The following SRBD1 variants were observed in gnomAD, a reference collection of about 807,000 sequenced individuals.
SRBD1 encodes the protein S1 RNA binding domain 1, also known as S1 RNA-binding domain-containing protein 1.
Under a neutral mutation model 115.3 loss-of-function variants are expected in SRBD1, and 88 were observed. The ratio of observed to expected loss-of-function variants is 0.76; its 90% CI spans 0.64 to 0.91. SRBD1 has a LOEUF of 0.91. SRBD1 is among the 40% of genes least tolerant of loss of function. The pLI is 0.00. For synonymous variants in SRBD1, 509 were observed against 407.7 expected (o/e 1.25, Z -2.99); for missense variants, 1,385 against 1,177.4 (o/e 1.18, Z -2.58).
chr2:45,436,389 T>C (rs556373768), intron 16 of SRBD1, among the ~76,000 whole-genome samples: 47 of 152,318 alleles, frequency 3.1e-4, no homozygotes, highest in African/African-American at 1.1e-3. Context: ...CTCAACATCA[T>C]ACTGGAAGTA....
intron 14 of SRBD1, among the ~76,000 whole-genome samples, chr2:45,517,808 A>G (rs1327241436): frequency 2.6e-5 from 4 of 152,146 alleles, no homozygotes; most frequent in Admixed American, 2.0e-4. Flanking sequence ...CAGCCTGGGC[A>G]ACATAGCAAG....
At chr2:45,446,814 T>C (rs1668839637) in intron 16 of SRBD1, among the ~76,000 whole-genome samples, 1 of 152,042 alleles carries the variant, frequency 6.6e-6, no homozygotes, top group Non-Finnish European at 1.5e-5. Context: ...TCAATACCAC[T>C]GGGTGGTAGA....
intron 16 of SRBD1, among the ~76,000 whole-genome samples, chr2:45,437,039 A>C (rs1668518482): frequency 6.6e-6 from 1 of 152,214 alleles, no homozygotes; most frequent in African/African-American, 2.4e-5. Context: ...CCAAAAGCTT[A>C]AAGTATAAAT....
At chr2:45,555,835 A>ATTAGTCTGT (rs1672458367) in intron 10 of SRBD1, among the ~76,000 whole-genome samples, 1 of 152,126 alleles carries the variant, frequency 6.6e-6, no homozygotes. Context: ...GTCTTGGTGT[A>ATTAGTCTGT]TTAGTCTGTT....
In SRBD1 at chr2:45,571,517, C is replaced by CAAAAAAAAAAAAAAAAAA. The variant is rs58100763; in HGVS notation, c.1305+1672_1305+1689dup. On this transcript the variant is annotated intron_variant, in intron 9 of 20. Coordinates refer to ENST00000263736, the MANE Select transcript of SRBD1 (RefSeq NM_018079.5). ...AAAATACAACATATCCAGACTTTACCAAAAAAAAAAAAAAAAAAAAAAAAA... is the reference window on the plus strand; with the variant it reads ...AAAATACAACATATCCAGACTTTACCAAAAAAAAAAAAAAAAAAAAAAAAAAAAAAAAAAAAAAAAAAA... Among the ~76,000 whole-genome samples, 72 of 39,406 alleles carry CAAAAAAAAAAAAAAAAAA rather than the reference C, an allele frequency of 1.8e-3. 7 individuals carry two copies. The highest frequency in any genetic ancestry group is 5.6e-3 in the East Asian group (6 of 1,068). The allele number at this position is 39,406 out of a possible 152,430, so 25.9% of individuals were successfully genotyped here. A position where few individuals can be genotyped will look rare whatever the true frequency, so the allele number is the denominator to read the frequency against.
intron 11 of SRBD1, among the ~76,000 whole-genome samples, chr2:45,552,148 T>G (rs1672320966): frequency 6.6e-6 from 1 of 152,168 alleles, no homozygotes; most frequent in East Asian, 1.9e-4. Context: ...GAATAAGATA[T>G]GCAGACGTAG....
At chr2:45,554,346 T>C (rs1238272395) in intron 10 of SRBD1, among the ~76,000 whole-genome samples, 1 of 152,196 alleles carries the variant, frequency 6.6e-6, no homozygotes, top group South Asian at 2.1e-4. Flanking sequence ...AGAAAATAAA[T>C]TACTCCGGTT....
At position 45,444,968 on chromosome 2, in the gene SRBD1, G is replaced by C. The variant is rs1312750231; in HGVS notation, c.2050-25074C>G. Among the ~76,000 whole-genome samples, 5 of 152,110 alleles carry C rather than the reference G, an allele frequency of 3.3e-5. 1 individual carries two copies. Among genetic ancestry groups the C allele is most frequent in the Non-Finnish European group, 5.9e-5 (4 of 68,016 alleles). ...CCAGATGATGAACATAAAAAGTAGAGGGCAAAATAACATTGTCAAATTTGC... is the reference window on the plus strand; with the variant it reads ...CCAGATGATGAACATAAAAAGTAGACGGCAAAATAACATTGTCAAATTTGC... On this transcript the variant is annotated intron_variant, in intron 16 of 20. Coordinates refer to ENST00000263736, the MANE Select transcript of SRBD1 (RefSeq NM_018079.5).
chr2:45,593,892 T>A (rs1673804659), intron 4 of SRBD1, among the ~76,000 whole-genome samples: 5 of 152,190 alleles, frequency 3.3e-5, no homozygotes. Context: ...AAGGAGGAAT[T>A]GGAAAATAGT....
At chr2:45,546,586 T>C (rs960793074) in intron 14 of SRBD1, 146 bp downstream of exon 14, 29 of 832,366 alleles carry the variant, frequency 3.5e-5, no homozygotes, top group Non-Finnish European at 5.3e-5. Context: ...CTTTACATTA[T>C]CCTGCAAAGT....
intron 14 of SRBD1, among the ~76,000 whole-genome samples, chr2:45,540,856 C>T (rs896569373): frequency 6.6e-6 from 1 of 152,230 alleles, no homozygotes; most frequent in Non-Finnish European, 1.5e-5. Context: ...ATTTAAAAGG[C>T]TGACCATACC....
chr2:45,470,520 T>C (rs1285310637), intron 16 of SRBD1, among the ~76,000 whole-genome samples: 3 of 152,184 alleles, frequency 2.0e-5, no homozygotes, highest in Non-Finnish European at 1.5e-5. Flanking sequence ...TCTTTCCTAC[T>C]TTACTGTGTG....
intron 19 of SRBD1, among the ~76,000 whole-genome samples, chr2:45,403,394 A>G (rs1488109264): frequency 3.3e-5 from 5 of 152,040 alleles, no homozygotes; most frequent in African/African-American, 1.2e-4. Context: ...TGAAGTTATC[A>G]GTTCCTGAGT....
chr2:45,405,519 G>A (rs1472788479), intron 19 of SRBD1, among the ~76,000 whole-genome samples: 1 of 152,166 alleles, frequency 6.6e-6, no homozygotes, highest in Non-Finnish European at 1.5e-5. Flanking sequence ...GCCTGAACTA[G>A]GGATGTTAAG....
At position 45,393,250 on chromosome 2, in the gene SRBD1, T is replaced by C. The variant is rs1051809356; in HGVS notation, c.2514-121A>G. 1.2e-5 allele frequency: 12 copies of C among 1,013,546 alleles called. No homozygotes were observed. In the African/African-American group the frequency reaches 1.3e-4, roughly 11 times the overall value. The allele number at this position is 1,013,546 out of a possible 1,614,324, so 62.8% of individuals were successfully genotyped here. A position where few individuals can be genotyped will look rare whatever the true frequency, so the allele number is the denominator to read the frequency against. On this transcript the variant is annotated intron_variant, in intron 19 of 20. Coordinates refer to ENST00000263736, the MANE Select transcript of SRBD1 (RefSeq NM_018079.5). Reference sequence around the variant, plus strand: ...CCATAGGTCAATCAATCAGTCTTTATTGAGAATCTATTATGTGTCCTGTGC... The same window carrying C: ...CCATAGGTCAATCAATCAGTCTTTACTGAGAATCTATTATGTGTCCTGTGC...
chr2:45,597,768 T>A (rs1230516234), intron 4 of SRBD1, among the ~76,000 whole-genome samples: 4 of 152,238 alleles, frequency 2.6e-5, no homozygotes, highest in Non-Finnish European at 4.4e-5. Flanking sequence ...AAGCTCATTA[T>A]AAAGAGCTTA....
rs568254139 is a variant in SRBD1, at chr2:45,434,855, T to G, written c.2050-14961A>C. Among the ~76,000 whole-genome samples the G allele has an allele frequency of 2.1e-4, 32 of 152,146 alleles. 1 individual carries two copies. The South Asian group carries it at 6.2e-3, about 30-fold the overall frequency. ...TTACACATGTATACATGTGTCATGT[T>G]GGTTTGCTGCACCCATTCACTCGTC... On this transcript the variant is annotated intron_variant, in intron 16 of 20. Transcript: ENST00000263736.
chr2:45,583,679 G>A (rs1359927013), intron 5 of SRBD1, among the ~76,000 whole-genome samples: 2 of 152,088 alleles, frequency 1.3e-5, no homozygotes, highest in Non-Finnish European at 2.9e-5. Flanking sequence ...TGTAGGGGTA[G>A]CAATTAACAA....
intron 14 of SRBD1, among the ~76,000 whole-genome samples, chr2:45,531,594 A>C (rs1671613891): frequency 1.3e-5 from 2 of 151,858 alleles, no homozygotes; most frequent in Admixed American, 6.6e-5. Context: ...AATCCAAAAA[A>C]TAAAATGCTT....
Sources: allele counts gnomAD v4.1 joint callset (sites outside exome capture counted in the v4.1 genomes callset), GRCh38; gene constraint gnomAD v4.1.1; transcripts MANE v1.5; gene names NCBI Gene and HGNC (gene_info 2026-07-23, HGNC 2026-07-21).